SLC35F1: variants seen among roughly 807,000 people sequenced by gnomAD.
The protein encoded by SLC35F1 is chromosome 6 open reading frame 169.
A neutral mutation model predicts 48.7 loss-of-function variants in SLC35F1; 14 were observed. That is an observed-to-expected ratio of 0.29 (90% CI 0.19 to 0.45). The LOEUF (loss-of-function observed/expected upper bound fraction) is 0.45. SLC35F1 is among the 20% of genes least tolerant of loss of function. The pLI, the probability that SLC35F1 is intolerant of heterozygous loss-of-function variation, is 1.00. For synonymous variants in SLC35F1, 190 were observed against 202.2 expected, an observed-to-expected ratio of 0.94 and a Z score of 0.51; for missense variants, 404 against 500.0, an observed-to-expected ratio of 0.81 and a Z score of 1.83.
intron 1 of SLC35F1, among the ~76,000 whole-genome samples, chr6:118,110,112 A>G (rs921869242): frequency 6.6e-6 from 1 of 152,150 alleles, no homozygotes; most frequent in Non-Finnish European, 1.5e-5. Context: ...CATCTATGCC[A>G]TGGATCTCTT....
At chr6:118,231,419 A>C (rs1245318009) in intron 2 of SLC35F1, among the ~76,000 whole-genome samples, 1 of 152,176 alleles carries the variant, frequency 6.6e-6, no homozygotes, top group Admixed American at 6.5e-5. Flanking sequence ...TGGGGACTCT[A>C]AGGAATGTAT....
chr6:118,142,565 A>AT (rs74384532), intron 1 of SLC35F1, among the ~76,000 whole-genome samples: 4 of 151,702 alleles, frequency 2.6e-5, no homozygotes, highest in Admixed American at 6.6e-5. Flanking sequence ...ATATTTATTC[A>AT]TTTTTTTTGT....
intron 1 of SLC35F1, among the ~76,000 whole-genome samples, chr6:118,100,809 T>C (rs1364096978): frequency 2.6e-5 from 4 of 152,208 alleles, no homozygotes; most frequent in Admixed American, 6.5e-5. Flanking sequence ...GCCTATATCA[T>C]GTGGTACAAA....
intron 1 of SLC35F1, among the ~76,000 whole-genome samples, chr6:117,981,571 G>A (rs995496286): frequency 6.6e-6 from 1 of 152,072 alleles, no homozygotes; most frequent in Non-Finnish European, 1.5e-5. Context: ...TTATTGAAAT[G>A]CCTCTGTATG....
chr6:118,308,900 G>A (rs555741504), intron 7 of SLC35F1, among the ~76,000 whole-genome samples: 1 of 152,230 alleles, frequency 6.6e-6, no homozygotes, highest in Admixed American at 6.5e-5. Context: ...AGCCCCAAAA[G>A]GTAACATGTC....
chr6:118,112,080 T>C (rs528989425), intron 1 of SLC35F1, among the ~76,000 whole-genome samples: 2,438 of 132,854 alleles, frequency 0.018, 69 homozygotes, highest in African/African-American at 0.048. Context: ...TTTTCTTTAT[T>C]TCTTTCTTTT....
intron 1 of SLC35F1, among the ~76,000 whole-genome samples, chr6:118,123,780 A>G (rs1247684613): frequency 6.6e-6 from 1 of 152,168 alleles, no homozygotes; most frequent in East Asian, 1.9e-4. Flanking sequence ...CCCCTTGGTG[A>G]GAGTTTCTGG....
At chr6:118,109,769 G>A (rs893840559) in intron 1 of SLC35F1, among the ~76,000 whole-genome samples, 1 of 152,118 alleles carries the variant, frequency 6.6e-6, no homozygotes, top group African/African-American at 2.4e-5. Flanking sequence ...CAGGAGCTGG[G>A]CTCTCTAAGG....
chr6:118,299,885 C>A (rs1776235881), intron 7 of SLC35F1, among the ~76,000 whole-genome samples: 3 of 152,158 alleles, frequency 2.0e-5, no homozygotes, highest in Admixed American at 6.5e-5. Flanking sequence ...CAGCCTCGTG[C>A]AAAAGTTACA....
chr6:117,926,599 A>T (rs1776032093), intron 1 of SLC35F1, among the ~76,000 whole-genome samples: 1 of 152,106 alleles, frequency 6.6e-6, no homozygotes, highest in South Asian at 2.1e-4. Context: ...GAAACAATAC[A>T]TTAGAAGCCT....
At chr6:118,030,412 A>C (rs183081102) in intron 1 of SLC35F1, among the ~76,000 whole-genome samples, 102 of 152,324 alleles carry the variant, frequency 6.7e-4, no homozygotes, top group African/African-American at 2.4e-3. Context: ...CCAATCACTC[A>C]TAGACACAGG....
chr6:118,266,446 T>C (rs887574453), intron 3 of SLC35F1, among the ~76,000 whole-genome samples: 1 of 152,236 alleles, frequency 6.6e-6, no homozygotes, highest in East Asian at 1.9e-4. Flanking sequence ...AGCACTTTTT[T>C]ATTTTAAGAA....
intron 7 of SLC35F1, among the ~76,000 whole-genome samples, chr6:118,305,755 A>G (rs1475307180): frequency 6.6e-6 from 1 of 152,236 alleles, no homozygotes; most frequent in East Asian, 1.9e-4. Context: ...TTTGCTATAT[A>G]TACACACACA....
chr6:118,053,969 G>A (rs997879413), intron 1 of SLC35F1, among the ~76,000 whole-genome samples: 1 of 152,254 alleles, frequency 6.6e-6, no homozygotes, highest in African/African-American at 2.4e-5. Context: ...CACGTTGATA[G>A]CACTGAAATT....
chr6:118,228,158 G>A (rs1213091006), intron 2 of SLC35F1, among the ~76,000 whole-genome samples: 1 of 152,028 alleles, frequency 6.6e-6, no homozygotes, highest in Non-Finnish European at 1.5e-5. Context: ...AATGAAAGAA[G>A]ACAAGATAAA....
intron 2 of SLC35F1, among the ~76,000 whole-genome samples, chr6:118,201,754 T>G (rs1411166778): frequency 6.6e-6 from 1 of 152,176 alleles, no homozygotes; most frequent in Admixed American, 6.5e-5. Context: ...CCATACCCCA[T>G]TGGTATGACT....
At chr6:118,085,524 G>C (rs1185428251) in intron 1 of SLC35F1, among the ~76,000 whole-genome samples, 2 of 87,330 alleles carry the variant, frequency 2.3e-5, no homozygotes, top group Non-Finnish European at 4.0e-5. Context: ...TTGAGGTAGA[G>C]CCTCACTCTG....
At chr6:118,097,955 C>T (rs1177805809) in intron 1 of SLC35F1, among the ~76,000 whole-genome samples, 1 of 152,056 alleles carries the variant, frequency 6.6e-6, no homozygotes, top group South Asian at 2.1e-4. Context: ...AAAAATAAGT[C>T]GATGGCTGTA....
chr6:118,107,029 T>G (rs1215306569), intron 1 of SLC35F1, among the ~76,000 whole-genome samples: 2 of 152,216 alleles, frequency 1.3e-5, no homozygotes, highest in Admixed American at 1.3e-4. Flanking sequence ...TAGAAACTAA[T>G]GTTATTTGCT....
Sources: allele counts gnomAD v4.1 joint callset (sites outside exome capture counted in the v4.1 genomes callset), GRCh38; gene constraint gnomAD v4.1.1; transcripts MANE v1.5; gene names NCBI Gene and HGNC (gene_info 2026-07-23, HGNC 2026-07-21).